The following INVS variants were observed in gnomAD, a reference collection of about 807,000 sequenced individuals.
The protein encoded by INVS is inversion of embryo turning homolog.
Under a neutral mutation model 108.8 loss-of-function variants are expected in INVS, and 86 were observed. The ratio of observed to expected loss-of-function variants is 0.79; its 90% CI spans 0.66 to 0.95. The LOEUF (loss-of-function observed/expected upper bound fraction) is 0.95, where lower values mean the gene tolerates loss of function less well. Ranked by LOEUF, INVS falls within the 40% of genes least tolerant of loss-of-function variation. INVS has a pLI of 0.00. For missense variants in INVS, 1,169 were observed against 1,297.4 expected, an observed-to-expected ratio of 0.90 and a Z score of 1.52; for synonymous variants, 455 against 473.5, an observed-to-expected ratio of 0.96 and a Z score of 0.51.
At chr9:100,203,737 A>T (rs1218797470) in intron 3 of INVS, among the ~76,000 whole-genome samples, 2 of 152,038 alleles carry the variant, frequency 1.3e-5, no homozygotes, top group Non-Finnish European at 2.9e-5. Context: ...TCCTGACCTC[A>T]GGTGATCCGC....
intron 3 of INVS, chr9:100,175,863 G>A: frequency 4.8e-6 from 3 of 631,184 alleles, no homozygotes; most frequent in Non-Finnish European, 8.9e-6. Flanking sequence ...CCCTTCTATA[G>A]CTGTGGAGAG....
chr9:100,126,306 TAAAC>T, intron 2 of INVS, 73 bp from the exon 3 acceptor site: 2 of 1,166,092 alleles, frequency 1.7e-6, no homozygotes, highest in Non-Finnish European at 2.5e-6. Context: ...TGTTTGATAA[TAAAC>T]AGCGAATATA....
At chr9:100,241,263 C>A (rs1176805171) in intron 6 of INVS, among the ~76,000 whole-genome samples, 4 of 152,086 alleles carry the variant, frequency 2.6e-5, no homozygotes, top group African/African-American at 7.2e-5. Flanking sequence ...GCTTACTTGG[C>A]AAATTTGTCT....
intron 12 of INVS, among the ~76,000 whole-genome samples, chr9:100,278,231 C>CAAAAAA (rs750217205): frequency 2.4e-5 from 2 of 83,108 alleles, no homozygotes; most frequent in African/African-American, 4.8e-5. Context: ...GACCCTGTCT[C>CAAAAAA]AAAAAAAAAA....
intron 3 of INVS, chr9:100,131,953 AG>A: frequency 2.1e-6 from 2 of 955,034 alleles, no homozygotes; most frequent in Non-Finnish European, 2.5e-6. Context: ...CACTTATACC[AG>A]GTAACACTAT....
At chr9:100,212,632 G>C (rs1830867380) in intron 3 of INVS, among the ~76,000 whole-genome samples, 1 of 150,900 alleles carries the variant, frequency 6.6e-6, no homozygotes, top group Non-Finnish European at 1.5e-5. Flanking sequence ...TCAGTTGTTG[G>C]TAACACCCTC....
rs1554718617 is a variant in INVS at position 100,161,388 on chromosome 9, A to AAC, written c.273+34840_273+34841insCA. Among the ~76,000 whole-genome samples, 74 of 139,092 alleles carry AAC rather than the reference A, an allele frequency of 5.3e-4. 7 individuals are homozygous for AAC. Among genetic ancestry groups the AAC allele is most frequent in the African/African-American group, 1.8e-3 (63 of 34,076 alleles). 91.2% of individuals were successfully genotyped at this position (139,092 alleles called of 152,430 possible). A position where few individuals can be genotyped will look rare whatever the true frequency, so the allele number is the denominator to read the frequency against. On this transcript the variant is annotated intron_variant, in intron 3 of 16. Transcript: ENST00000262457. ...TCAAAAAAAAAAAAAAAAAAAAAAA[A>AAC]AAAACCTCATAAATTGAGTGTTGTG...
At chr9:100,200,539 T>G (rs1311121930) in intron 3 of INVS, among the ~76,000 whole-genome samples, 1 of 152,218 alleles carries the variant, frequency 6.6e-6, no homozygotes, top group African/African-American at 2.4e-5. Context: ...TCCACAGTCC[T>G]GGTACATAGT....
intron 11 of INVS, among the ~76,000 whole-genome samples, chr9:100,272,553 T>C (rs1427002624): frequency 6.6e-6 from 1 of 152,246 alleles, no homozygotes; most frequent in Non-Finnish European, 1.5e-5. Flanking sequence ...AGGGAATTAT[T>C]TGGCACATGG....
intron 3 of INVS, among the ~76,000 whole-genome samples, chr9:100,225,631 C>A (rs1323161457): frequency 6.6e-6 from 1 of 152,064 alleles, no homozygotes; most frequent in Non-Finnish European, 1.5e-5. Context: ...GGAAAATACA[C>A]CAAACACTGT....
chr9:100,103,826 C>T (rs983383613), intron 1 of INVS, among the ~76,000 whole-genome samples: 1 of 152,076 alleles, frequency 6.6e-6, no homozygotes, highest in African/African-American at 2.4e-5. Flanking sequence ...GCTGGGATTA[C>T]AGGCATGAGT....
intron 13 of INVS, among the ~76,000 whole-genome samples, chr9:100,287,327 C>T (rs1833476406): frequency 6.6e-6 from 1 of 152,140 alleles, no homozygotes; most frequent in Non-Finnish European, 1.5e-5. Context: ...AATTTGCACA[C>T]ATTATATTGA....
chr9:100,117,462 T>A, intron 2 of INVS: 1 of 786,372 alleles, frequency 1.3e-6, no homozygotes, highest in Non-Finnish European at 2.3e-6. Context: ...ATGCACTCCT[T>A]ATCCTCGGCC....
At chr9:100,117,405 A>G (rs1408608759) in intron 2 of INVS, 5 of 785,880 alleles carry the variant, frequency 6.4e-6, no homozygotes, top group African/African-American at 3.4e-5. Context: ...TCCTCCAGGG[A>G]CTTGATCTTC....
chr9:100,281,102 T>C (rs1033069203), intron 12 of INVS, among the ~76,000 whole-genome samples: 1 of 152,240 alleles, frequency 6.6e-6, no homozygotes, highest in African/African-American at 2.4e-5. Context: ...CCAGCTTCTT[T>C]GTATGACCCA....
chr9:100,121,063 GT>G (rs199641976), intron 2 of INVS, among the ~76,000 whole-genome samples: 1 of 151,364 alleles, frequency 6.6e-6, no homozygotes, highest in East Asian at 1.9e-4. Flanking sequence ...GTTGACTACA[GT>G]TTTTTTTTAA....
At chr9:100,265,016 C>T (rs944011958) in intron 11 of INVS, 88 bp downstream of exon 11, 2 of 837,610 alleles carry the variant, frequency 2.4e-6, no homozygotes, top group African/African-American at 3.4e-5. Flanking sequence ...GATCTTGGCT[C>T]ACTGCAACCT....
chr9:100,258,190 C>T (rs536329998), intron 10 of INVS, among the ~76,000 whole-genome samples: 3 of 152,260 alleles, frequency 2.0e-5, no homozygotes, highest in Admixed American at 6.5e-5. Context: ...TCCACTTGAT[C>T]GAATTGGCTA....
chr9:100,278,231 C>CAAAAAAAAA (rs750217205), intron 12 of INVS, among the ~76,000 whole-genome samples: 5 of 83,108 alleles, frequency 6.0e-5, no homozygotes, highest in African/African-American at 2.4e-4. Context: ...GACCCTGTCT[C>CAAAAAAAAA]AAAAAAAAAA....
Sources: allele counts gnomAD v4.1 joint callset (sites outside exome capture counted in the v4.1 genomes callset), GRCh38; gene constraint gnomAD v4.1.1; transcripts MANE v1.5; gene names NCBI Gene and HGNC (gene_info 2026-07-23, HGNC 2026-07-21).